The following KCP variants were observed in gnomAD, a reference collection of about 807,000 sequenced individuals.
The protein encoded by KCP is kielin/chordin-like protein.
A neutral mutation model predicts 212.7 loss-of-function variants in KCP; 194 were observed. That is an observed-to-expected ratio of 0.91 (90% CI 0.81 to 1.03). The LOEUF (loss-of-function observed/expected upper bound fraction) is 1.03. Among genes scored for constraint, KCP ranks in the 50% least tolerant of loss-of-function variants. The probability of loss-of-function intolerance (pLI) is 0.00; values close to 1 mark genes in which losing one functional copy is unlikely to be tolerated. For synonymous variants in KCP, 833 were observed against 865.3 expected (o/e 0.96, Z 0.65); for missense variants, 2,080 against 2,162.5 (o/e 0.96, Z 0.76).
chr7:128,878,722 C>G lies in KCP; in HGVS notation c.4147G>C (p.Val1383Leu), dbSNP rs781623303. The G allele has an allele frequency of 1.3e-6, 2 of 1,548,840 alleles. No individual in the cohort carries two copies. Among genetic ancestry groups the G allele is most frequent in the African/African-American group, 2.7e-5 (2 of 73,058 alleles). The part of the protein sequence containing the change: ...VILHAQPGLQ[V>L]LWDGQSQVEV... Reference sequence around the variant, plus strand: ...ACCTGGGACTGCCCATCCCACAGCACCTGTGTGGAGAGGCCTGAGACTGGG... The same window carrying G: ...ACCTGGGACTGCCCATCCCACAGCAGCTGTGTGGAGAGGCCTGAGACTGGG... The change falls in exon 38 of 40, where the codon GTG becomes CTG. Residue 1383 changes from valine (V) to leucine (L), a missense_variant and splice_region_variant. By Grantham distance (32) the Val-to-Leu change is conservative. Transcript: ENST00000610776.
intron 7 of KCP, chr7:128,903,326 G>A (rs899574552): frequency 3.2e-5 from 9 of 277,060 alleles, no homozygotes; most frequent in Admixed American, 9.8e-5. Flanking sequence ...GGCTGGATTC[G>A]GTCTCCTTCC....
Position 128,908,365 on chromosome 7 carries a change from C to T in KCP, c.219+61G>A, listed in dbSNP as rs143875855. ...CCCCCCTCCAAGCCTAACTCCTTCT[C>T]TCCCTCCCACTATGAGAAGCCCTCC... On this transcript the variant is annotated intron_variant, in intron 2 of 39. Transcript: ENST00000610776. The T allele has an allele frequency of 2.2e-4, 323 of 1,488,486 alleles. No individual in the cohort carries two copies. In the African/African-American group the frequency reaches 4.1e-3, roughly 19 times the overall value. 92.2% of individuals were successfully genotyped at this position (1,488,486 alleles called of 1,614,324 possible).
At chr7:128,908,347 C>G (rs1225639782) in intron 2 of KCP, 79 bp downstream of exon 2, 1 of 1,386,420 alleles carries the variant, frequency 7.2e-7, no homozygotes, top group Non-Finnish European at 9.7e-7. Flanking sequence ...GCTCCCCCCT[C>G]CAAGCCTAAC....
intron 20 of KCP, 45 bp downstream of exon 20, chr7:128,890,860 G>A: frequency 2.4e-6 from 3 of 1,225,280 alleles, no homozygotes; most frequent in Middle Eastern, 6.2e-4. Context: ...GCGGGGCGGG[G>A]CGGCAGGACG....
intron 26 of KCP, among the ~76,000 whole-genome samples, chr7:128,886,162 G>T (rs1370532587): frequency 6.6e-6 from 1 of 152,134 alleles, no homozygotes; most frequent in Non-Finnish European, 1.5e-5. Flanking sequence ...CAAACTCCTG[G>T]GTTCAAGTGA....
chr7:128,888,786 G>T, intron 22 of KCP, 77 bp downstream of exon 22: 2 of 1,369,470 alleles, frequency 1.5e-6, no homozygotes, highest in South Asian at 1.3e-5. Flanking sequence ...TGGGAGGGCT[G>T]GGAGGAAAGT....
chr7:128,910,614 G>A lies in KCP; in HGVS notation c.63C>T (p.Ala21=), dbSNP rs756357677. 5.3e-6 allele frequency: 8 copies of A among 1,515,214 alleles called. No homozygotes were observed. The South Asian group carries it at 7.3e-5, about 14-fold the overall frequency. The allele number at this position is 1,515,214 out of a possible 1,614,324, so 93.9% of individuals were successfully genotyped here. A position where few individuals can be genotyped will look rare whatever the true frequency, so the allele number is the denominator to read the frequency against. ...LLLHLGALAL[A]AGAEGGAVPR... ...ACCTGGACTCACCTTCCGCGCCCGC[G>A]GCCAGCGCCAGGGCCCCGAGGTGCA... The change falls in exon 1 of 40, where the codon GCC becomes GCT. Residue 21 remains alanine, a synonymous_variant. Coordinates refer to ENST00000610776, the MANE Select transcript of KCP (RefSeq NM_001366122.1).
chr7:128,884,982 G>T, intron 27 of KCP, 115 bp downstream of exon 27: 1 of 1,497,394 alleles, frequency 6.7e-7, no homozygotes. Flanking sequence ...TGTGCACAAG[G>T]ACGGAGGCCA....
rs758757816 is a variant in KCP at position 128,892,540 on chromosome 7, G to C, written c.1595C>G (p.Pro532Arg). The stretch of plus-strand genomic sequence containing the variant: ...TGGGCACCTGGGGCAACACTGGCCT[G>C]GTCCACTCTGGGGCCTGGCACAGGT... ...PTTCARPQSG[P>R]GQCCPRCPDC... is the part of the protein sequence containing the mutation. The change falls in exon 16 of 40, where the codon CCA (proline) becomes CGA (arginine). Residue 532 changes from proline (P) to arginine (R), a missense_variant. Pro to Arg is a moderately radical substitution (Grantham distance 103). Transcript: ENST00000610776. 1.9e-6 allele frequency: 3 copies of C among 1,545,146 alleles called. No homozygotes were observed. Among genetic ancestry groups the C allele is most frequent in the Non-Finnish European group, 2.6e-6 (3 of 1,143,134 alleles).
Position 128,880,350 on chromosome 7 carries a change from C to A in KCP, c.3759+36G>T. On this transcript the variant is annotated intron_variant, in intron 34 of 39. Transcript: ENST00000610776. ...GATGGCGGTACCATGTGCCCCCACC[C>A]TGACCCTCCCCACCATTTTAGATTG... The A allele has an allele frequency of 2.0e-6, 3 of 1,488,660 alleles. No homozygotes were observed. The South Asian group carries it at 4.0e-5, about 20-fold the overall frequency. 92.2% of individuals were successfully genotyped at this position (1,488,660 alleles called of 1,614,324 possible).
At position 128,893,867 on chromosome 7, in the gene KCP, G is replaced by T. The variant is rs772749253; in HGVS notation, c.1038C>A (p.Cys346Ter). The T allele has an allele frequency of 2.3e-5, 35 of 1,551,070 alleles. No homozygotes were observed. Among genetic ancestry groups the T allele is most frequent in the South Asian group, 1.5e-4 (13 of 84,066 alleles). ...NGSVQCEPLP[C>*]PPVPCRHPGK... Reference sequence around the variant, plus strand: ...CTGGGTGTCTGCAGGGCACTGGCGGGCAGGGCAGAGGCTCACACTGGACAC... The same window carrying T: ...CTGGGTGTCTGCAGGGCACTGGCGGTCAGGGCAGAGGCTCACACTGGACAC... The change falls in exon 11 of 40, where the codon TGC becomes TGA. Residue 346 changes from cysteine to a stop codon, truncating the protein, a stop_gained. Transcript: ENST00000610776. LOFTEE classifies it high-confidence loss of function.
chr7:128,895,919 G>A (rs974267261), intron 8 of KCP, among the ~76,000 whole-genome samples: 7 of 152,186 alleles, frequency 4.6e-5, no homozygotes, highest in African/African-American at 1.4e-4. Flanking sequence ...CTCTGTCTAT[G>A]GAGTAGCCAT....
At chr7:128,904,865 A>T (rs1349333745) in intron 5 of KCP, among the ~76,000 whole-genome samples, 1 of 152,232 alleles carries the variant, frequency 6.6e-6, no homozygotes, top group African/African-American at 2.4e-5. Context: ...CATCATCAGC[A>T]TGGTTCCATT....
chr7:128,897,181 T>C (rs2128948896), intron 8 of KCP, among the ~76,000 whole-genome samples: 1 of 152,346 alleles, frequency 6.6e-6, no homozygotes, highest in East Asian at 1.9e-4. Context: ...TATTGTTCTG[T>C]CATAAAGAAA....
intron 20 of KCP, 90 bp from the exon 21 acceptor site, chr7:128,890,603 G>T (rs1252135331): frequency 1.8e-5 from 20 of 1,095,828 alleles, no homozygotes; most frequent in Non-Finnish European, 2.4e-5. Flanking sequence ...TGGAGGACGG[G>T]TGTCGTGGGG....
In KCP at chr7:128,894,003, C is replaced by A. The variant is rs1158272819; in HGVS notation, c.978G>T (p.Gly326=). The change falls in exon 10 of 40, where the codon GGG becomes GGT. Residue 326 remains glycine (G), a synonymous_variant. Transcript: ENST00000610776. ...CACAGCGGCAGTGCGAGCAGGGGTC[C>A]CCTGAGCCCACAGGCTCCCCGCTGC... ...EHRSGEPVGS[G]DPCSHCRCAN... is the part of the protein sequence containing the mutation. 5 of 1,550,242 alleles carry A rather than the reference C, an allele frequency of 3.2e-6. No homozygotes were observed. The South Asian group carries it at 4.8e-5, about 15-fold the overall frequency.
chr7:128,890,337 C>T lies in KCP; in HGVS notation c.2335+6G>A. 1 of 1,551,578 alleles carries T rather than the reference C, an allele frequency of 6.4e-7. No individual in the cohort carries two copies. Among genetic ancestry groups the T allele is most frequent in the Non-Finnish European group, 8.7e-7 (1 of 1,146,998 alleles). On this transcript the variant is annotated splice_donor_region_variant and intron_variant, in intron 21 of 39. Transcript: ENST00000610776. ...CCCCGGCAGCTCCCTATCCCATGAC[C>T]CTCACCATCACAGTCAGGGCAGCAG...
intron 37 of KCP, 100 bp from the exon 38 acceptor site, chr7:128,878,822 T>C: frequency 8.2e-7 from 1 of 1,222,526 alleles, no homozygotes; most frequent in Non-Finnish European, 1.1e-6. Flanking sequence ...GTGCGGCCAG[T>C]GCTGTAGGGG....
At chr7:128,884,965 A>T in intron 27 of KCP, 102 bp from the exon 28 acceptor site, 2 of 1,475,268 alleles carry the variant, frequency 1.4e-6, no homozygotes, top group Non-Finnish European at 1.9e-6. Context: ...GATCCCAGGG[A>T]GTGGAGTGTG....
Sources: allele counts gnomAD v4.1 joint callset (sites outside exome capture counted in the v4.1 genomes callset), GRCh38; gene constraint gnomAD v4.1.1; transcripts MANE v1.5; gene names NCBI Gene and HGNC (gene_info 2026-07-23, HGNC 2026-07-21).